The following ARHGAP24 variants were observed in gnomAD, a reference collection of about 807,000 sequenced individuals.
ARHGAP24 encodes the protein rho GTPase-activating protein 24.
A neutral mutation model predicts 76.4 loss-of-function variants in ARHGAP24; 50 were observed. The ratio of observed to expected loss-of-function variants is 0.65; its 90% CI spans 0.52 to 0.83. ARHGAP24 has a LOEUF of 0.83. Among genes scored for constraint, ARHGAP24 ranks in the 40% least tolerant of loss-of-function variants. The pLI is 0.00. For missense variants in ARHGAP24, 930 were observed against 914.2 expected (o/e 1.02, Z -0.22); for synonymous variants, 345 against 323.3 (o/e 1.07, Z -0.72).
chr4:85,877,628 T>TA (rs36157226), intron 3 of ARHGAP24, among the ~76,000 whole-genome samples: 118,073 of 141,376 alleles, frequency 0.84, 48,890 homozygotes, highest in East Asian at 0.98. Context: ...TTATCTTAAT[T>TA]AAAAAAAAAA....
Position 85,515,394 on chromosome 4 carries a change from G to A in ARHGAP24, c.-21+39835G>A, listed in dbSNP as rs543898157. Among the ~76,000 whole-genome samples the A allele has an allele frequency of 4.0e-5, 6 of 150,566 alleles. No individual in the cohort carries two copies. In the South Asian group the frequency reaches 1.3e-3, roughly 32 times the overall value. ...ATCTTTTTTTTTTTTGGCATGGGGG[G>A]AGGTTTGGGTTGTGCAAAATAAACT... On this transcript the variant is annotated intron_variant, in intron 1 of 9. Transcript: ENST00000395184.
At chr4:85,683,107 T>TGGGGGGGGGGGGGGGG (rs1310671945) in intron 2 of ARHGAP24, among the ~76,000 whole-genome samples, 4 of 12,844 alleles carry the variant, frequency 3.1e-4, no homozygotes, top group Admixed American at 9.4e-4. Context: ...TCTCTCAGTG[T>TGGGGGGGGGGGGGGGG]GTGGGGGGGT....
chr4:85,583,796 C>G (rs2109974243), intron 2 of ARHGAP24, among the ~76,000 whole-genome samples: 1 of 150,580 alleles, frequency 6.6e-6, no homozygotes, highest in South Asian at 2.1e-4. Context: ...TGAATAGACA[C>G]TTCTCAAAAG....
chr4:85,734,636 ATT>A (rs34647342), intron 3 of ARHGAP24, among the ~76,000 whole-genome samples: 42 of 101,956 alleles, frequency 4.1e-4, no homozygotes, highest in African/African-American at 1.0e-3. Flanking sequence ...AATTCAGGGA[ATT>A]TTTTTTTTTT....
chr4:85,925,767 A>G (rs1239442595), intron 4 of ARHGAP24, among the ~76,000 whole-genome samples: 2 of 152,158 alleles, frequency 1.3e-5, no homozygotes, highest in Admixed American at 6.5e-5. Context: ...TTTATCCCCT[A>G]TGGATGAGTG....
At chr4:85,688,118 T>C (rs546732062) in intron 2 of ARHGAP24, among the ~76,000 whole-genome samples, 4 of 152,116 alleles carry the variant, frequency 2.6e-5, no homozygotes, top group Non-Finnish European at 4.4e-5. Flanking sequence ...TGGCCGGTGG[T>C]TCTATTTTAA....
intron 1 of ARHGAP24, among the ~76,000 whole-genome samples, chr4:85,484,423 C>CAAT (rs1472085195): frequency 6.6e-6 from 1 of 151,792 alleles, no homozygotes; most frequent in Non-Finnish European, 1.5e-5. Flanking sequence ...GGAGTTAATG[C>CAAT]AATAATAATA....
chr4:85,522,328 T>G (rs1041415996), intron 1 of ARHGAP24, among the ~76,000 whole-genome samples: 1 of 152,188 alleles, frequency 6.6e-6, no homozygotes, highest in Non-Finnish European at 1.5e-5. Flanking sequence ...CAGAGTTTTT[T>G]GTTTTGTTTT....
At chr4:85,772,098 T>C (rs1727152916) in intron 3 of ARHGAP24, among the ~76,000 whole-genome samples, 1 of 152,232 alleles carries the variant, frequency 6.6e-6, no homozygotes, top group Non-Finnish European at 1.5e-5. Flanking sequence ...GCCTTTATTA[T>C]TGACTATTGA....
chr4:85,721,078 C>A (rs1234900524), intron 2 of ARHGAP24, among the ~76,000 whole-genome samples: 3 of 151,972 alleles, frequency 2.0e-5, no homozygotes, highest in Non-Finnish European at 4.4e-5. Context: ...ATGAAATGAT[C>A]CACTAAAGAG....
At chr4:85,507,009 A>G (rs1299306462) in intron 1 of ARHGAP24, among the ~76,000 whole-genome samples, 1 of 152,186 alleles carries the variant, frequency 6.6e-6, no homozygotes, top group Non-Finnish European at 1.5e-5. Context: ...GTAGATTCCA[A>G]TTGTTCAGGA....
At chr4:85,532,059 GT>G (rs1215203163) in intron 1 of ARHGAP24, among the ~76,000 whole-genome samples, 2 of 151,844 alleles carry the variant, frequency 1.3e-5, no homozygotes, top group African/African-American at 4.8e-5. Context: ...AAGCACAAAT[GT>G]TTATCAAGTT....
At position 85,830,710 on chromosome 4, in the gene ARHGAP24, G is replaced by A. The variant is rs1007871772; in HGVS notation, c.269-92938G>A. On this transcript the variant is annotated intron_variant, in intron 3 of 9. Coordinates refer to ENST00000395184, the MANE Select transcript of ARHGAP24 (RefSeq NM_001025616.3). ...TTCTAGATTCCTTAAATTAGGCCTC[G>A]GTTTTTTGGAGAGAAGAAACCTGGA... 1.2e-3 allele frequency among the ~76,000 whole-genome samples: 181 copies of A among 152,218 alleles called. 1 individual carries two copies. The highest frequency in any genetic ancestry group is 4.1e-3 in the African/African-American group (170 of 41,524).
intron 2 of ARHGAP24, among the ~76,000 whole-genome samples, chr4:85,614,910 T>C (rs1392110878): frequency 6.6e-6 from 1 of 152,144 alleles, no homozygotes; most frequent in Non-Finnish European, 1.5e-5. Flanking sequence ...TAAATTGTCC[T>C]CCTTCTTCAT....
intron 3 of ARHGAP24, among the ~76,000 whole-genome samples, chr4:85,792,355 G>A (rs982193665): frequency 6.6e-6 from 1 of 152,062 alleles, no homozygotes. Context: ...GGAGTATCCC[G>A]TGTTACCAAT....
intron 1 of ARHGAP24, among the ~76,000 whole-genome samples, chr4:85,514,726 G>T (rs1724417581): frequency 7.0e-6 from 1 of 143,210 alleles, no homozygotes; most frequent in African/African-American, 2.6e-5. Flanking sequence ...TCCATCCAGG[G>T]ATCTATTCAT....
At chr4:85,533,294 T>C (rs965500069) in intron 1 of ARHGAP24, among the ~76,000 whole-genome samples, 5 of 152,314 alleles carry the variant, frequency 3.3e-5, no homozygotes, top group African/African-American at 1.2e-4. Flanking sequence ...GTTAATTTTG[T>C]CCATAAAGAA....
intron 3 of ARHGAP24, among the ~76,000 whole-genome samples, chr4:85,816,045 G>A (rs773051744): frequency 3.9e-5 from 6 of 152,090 alleles, no homozygotes; most frequent in Non-Finnish European, 7.4e-5. Flanking sequence ...GAACAGCATG[G>A]GGGAAACCAC....
intron 3 of ARHGAP24, among the ~76,000 whole-genome samples, chr4:85,836,976 G>A (rs535279178): frequency 0.011 from 1,688 of 152,258 alleles, 31 homozygotes; most frequent in African/African-American, 0.038. Flanking sequence ...ATGCCAAAAA[G>A]GAGGGGGAAA....
Sources: gnomAD v4.1 joint callset for allele counts (sites outside exome capture counted in the v4.1 genomes callset) on GRCh38, gnomAD v4.1.1 for gene constraint, MANE v1.5 for transcripts, NCBI Gene and HGNC (gene_info 2026-07-23, HGNC 2026-07-21) for gene names.